Variants in KLB observed in about 807,000 individuals in gnomAD.
The protein encoded by KLB is klotho beta.
A neutral mutation model predicts 88.4 loss-of-function variants in KLB; 44 were observed. That is an observed-to-expected ratio of 0.50 (90% CI 0.39 to 0.64). The LOEUF (loss-of-function observed/expected upper bound fraction) is 0.64, where lower values mean the gene tolerates loss of function less well. KLB is among the 30% of genes least tolerant of loss of function. The pLI, the probability that KLB is intolerant of heterozygous loss-of-function variation, is 0.00. For missense variants in KLB, 1,137 were observed against 1,304.8 expected (o/e 0.87, Z 1.98); for synonymous variants, 548 against 513.4 (o/e 1.07, Z -0.91).
Position 39,407,255 on chromosome 4 carries a change from G to A in KLB, c.306G>A (p.Lys102=). Residue 102 remains lysine (K), a synonymous_variant, in exon 1 of 5, where the codon AAG becomes AAA. Transcript: ENST00000257408. ...TGCAAGTGGAAGGGAGTTGGAAGAA[G>A]GATGGAAAAGGACCTTCTATATGGG... ...GALQVEGSWK[K]DGKGPSIWDH... is the part of the protein sequence containing the mutation. 1 of 1,614,124 alleles carries A rather than the reference G, an allele frequency of 6.2e-7. No homozygotes were observed. The highest frequency in any genetic ancestry group is 2.2e-5 in the East Asian group (1 of 44,880).
chr4:39,442,178 G>T (rs1383649759), intron 3 of KLB, among the ~76,000 whole-genome samples: 1 of 151,686 alleles, frequency 6.6e-6, no homozygotes, highest in Non-Finnish European at 1.5e-5. Flanking sequence ...CGGGAGGAAG[G>T]TTGCAGTGAG....
intron 1 of KLB, among the ~76,000 whole-genome samples, chr4:39,431,529 G>A (rs1208618463): frequency 6.6e-6 from 1 of 152,174 alleles, no homozygotes; most frequent in African/African-American, 2.4e-5. Context: ...GGGATTACAG[G>A]CATGAGCCAC....
At chr4:39,429,294 T>C (rs1743286773) in intron 1 of KLB, among the ~76,000 whole-genome samples, 1 of 152,224 alleles carries the variant, frequency 6.6e-6, no homozygotes, top group African/African-American at 2.4e-5. Context: ...TGCTCATCTG[T>C]CTTCAACCCA....
intron 1 of KLB, chr4:39,412,122 C>T (rs953673407): frequency 9.9e-5 from 15 of 151,888 alleles, no homozygotes; most frequent in African/African-American, 3.6e-4. Flanking sequence ...AATGTATACT[C>T]CTCTGGTGAT....
intron 3 of KLB, among the ~76,000 whole-genome samples, chr4:39,440,919 G>A (rs181366483): frequency 9.2e-5 from 14 of 151,744 alleles, no homozygotes; most frequent in Admixed American, 8.5e-4. Flanking sequence ...GTGCAGTGGC[G>A]TGATCTCAGC....
intron 1 of KLB, 114 bp downstream of exon 1, chr4:39,407,888 A>G: frequency 1.6e-6 from 1 of 610,508 alleles, no homozygotes; most frequent in East Asian, 2.7e-5. Flanking sequence ...TTTTAAGCTA[A>G]TTCAAAAGAT....
At chr4:39,447,496 G>A in intron 4 of KLB, 21 bp downstream of exon 4, 1 of 1,526,140 alleles carries the variant, frequency 6.6e-7, no homozygotes, top group Non-Finnish European at 8.8e-7. Context: ...GGCCCCTTCA[G>A]ACACAGGGCA....
chr4:39,432,812 C>T (rs973429804), intron 1 of KLB, among the ~76,000 whole-genome samples: 24 of 152,166 alleles, frequency 1.6e-4, no homozygotes, highest in African/African-American at 5.5e-4. Flanking sequence ...GTACCTCCTA[C>T]GTGCTCTATT....
chr4:39,434,559 T>C lies in KLB; in HGVS notation c.1175T>C (p.Val392Ala), dbSNP rs757238989. Residue 392 changes from valine to alanine, a missense_variant, in exon 2 of 5, where the codon GTT (valine) becomes GCT (alanine). Physicochemically the swap from Val to Ala is moderately conservative, Grantham distance 64. Coordinates refer to ENST00000257408, the MANE Select transcript of KLB (RefSeq NM_175737.4). ...LNTMAKMGQN[V>A]SLNLREALNW... ...ACCATGGCTAAAATGGGACAAAATG[T>C]TTCACTTAATTTAAGAGAAGCGCTG... 6 of 1,613,990 alleles carry C rather than the reference T, an allele frequency of 3.7e-6. No homozygotes were observed. The Admixed American group carries it at 8.3e-5, about 22-fold the overall frequency.
chr4:39,442,967 C>T (rs1298186568), intron 3 of KLB, among the ~76,000 whole-genome samples: 1 of 151,982 alleles, frequency 6.6e-6, no homozygotes, highest in East Asian at 1.9e-4. Context: ...AAAGATCAAA[C>T]GTTGGTTGTC....
At chr4:39,440,679 T>A (rs1189419110) in intron 3 of KLB, among the ~76,000 whole-genome samples, 2 of 152,152 alleles carry the variant, frequency 1.3e-5, no homozygotes, top group African/African-American at 4.8e-5. Flanking sequence ...TGTCTCAGCC[T>A]CCTGAGTAGC....
Position 39,434,218 on chromosome 4 carries a change from G to A in KLB, c.834G>A (p.Ser278=), listed in dbSNP as rs761233375. ...ATATTTTCTTCTTTTAGGCTCACTC[G>A]AAAGTTTGGCATAACTACAACACAC... ...TVGHNLIKAH[S]KVWHNYNTHF... is the part of the protein sequence containing the mutation. Residue 278 remains serine (S), a synonymous_variant, in exon 2 of 5, where the codon TCG becomes TCA. Transcript: ENST00000257408. 2.9e-5 allele frequency: 46 copies of A among 1,603,130 alleles called. No homozygotes were observed. Among genetic ancestry groups the A allele is most frequent in the Admixed American group, 2.4e-4 (14 of 58,824 alleles).
intron 1 of KLB, among the ~76,000 whole-genome samples, chr4:39,419,475 G>A (rs746405067): frequency 6.6e-6 from 1 of 152,026 alleles, no homozygotes; most frequent in South Asian, 2.1e-4. Flanking sequence ...CTCAACATTC[G>A]AAAACAGCCT....
intron 3 of KLB, among the ~76,000 whole-genome samples, chr4:39,439,451 GTTGTTTTTGTTT>G (rs60890231): frequency 8.8e-5 from 12 of 137,072 alleles, no homozygotes; most frequent in East Asian, 5.9e-4. Flanking sequence ...TTTTGTTGCT[GTTGTTTTTGTTT>G]TTGTTTTTGT....
At chr4:39,412,981 T>C (rs1742886959) in intron 1 of KLB, among the ~76,000 whole-genome samples, 2 of 152,196 alleles carry the variant, frequency 1.3e-5, no homozygotes, top group African/African-American at 4.8e-5. Context: ...ACTTTTTTGG[T>C]GGCAAGTTAC....
At position 39,434,563 on chromosome 4, in the gene KLB, A is replaced by G; in HGVS notation, c.1179A>G (p.Ser393=). 1 of 1,614,082 alleles carries G rather than the reference A, an allele frequency of 6.2e-7. No homozygotes were observed. Among genetic ancestry groups the G allele is most frequent in the Non-Finnish European group, 8.5e-7 (1 of 1,179,950 alleles). Residue 393 remains serine, a synonymous_variant, in exon 2 of 5, where the codon TCA becomes TCG. Coordinates refer to ENST00000257408, the MANE Select transcript of KLB (RefSeq NM_175737.4). The stretch of plus-strand genomic sequence containing the variant: ...TGGCTAAAATGGGACAAAATGTTTC[A>G]CTTAATTTAAGAGAAGCGCTGAACT... ...NTMAKMGQNV[S]LNLREALNWI...
intron 1 of KLB, among the ~76,000 whole-genome samples, chr4:39,417,269 C>A (rs1221180655): frequency 1.3e-5 from 2 of 152,052 alleles, no homozygotes; most frequent in African/African-American, 4.8e-5. Context: ...TTTCTTCCTT[C>A]CACCACTTTC....
intron 1 of KLB, among the ~76,000 whole-genome samples, chr4:39,416,530 CA>C (rs1488889120): frequency 6.6e-6 from 1 of 152,046 alleles, no homozygotes; most frequent in Non-Finnish European, 1.5e-5. Flanking sequence ...CCGGTAATCC[CA>C]ACACTTTGGG....
At chr4:39,428,680 TTTTA>T (rs1177997484) in intron 1 of KLB, among the ~76,000 whole-genome samples, 1 of 152,194 alleles carries the variant, frequency 6.6e-6, no homozygotes, top group African/African-American at 2.4e-5. Context: ...TTTAAAGTGA[TTTTA>T]TTTCTTAAAT....
Sources: gnomAD v4.1 joint callset for allele counts (sites outside exome capture counted in the v4.1 genomes callset) on GRCh38, gnomAD v4.1.1 for gene constraint, MANE v1.5 for transcripts, NCBI Gene and HGNC (gene_info 2026-07-23, HGNC 2026-07-21) for gene names.